TBC1D5: variants seen among roughly 807,000 people sequenced by gnomAD.
TBC1D5 encodes TBC1 domain family, member 5.
A neutral mutation model predicts 100.3 loss-of-function variants in TBC1D5; 75 were observed. The ratio of observed to expected loss-of-function variants is 0.75; its 90% CI spans 0.62 to 0.91. The LOEUF (loss-of-function observed/expected upper bound fraction) is 0.91. TBC1D5 is among the 40% of genes least tolerant of loss of function. TBC1D5 has a pLI of 0.00. For synonymous variants in TBC1D5, 323 were observed against 325.6 expected (o/e 0.99, Z 0.09); for missense variants, 910 against 942.4 (o/e 0.97, Z 0.45).
At chr3:17,412,013 G>A (rs1395824450) in intron 4 of TBC1D5, among the ~76,000 whole-genome samples, 1 of 152,146 alleles carries the variant, frequency 6.6e-6, no homozygotes, top group Non-Finnish European at 1.5e-5. Context: ...GTAACACAGA[G>A]TAAATATAAA....
At chr3:17,485,882 G>T (rs931097386) in intron 3 of TBC1D5, among the ~76,000 whole-genome samples, 4 of 152,086 alleles carry the variant, frequency 2.6e-5, no homozygotes, top group African/African-American at 4.8e-5. Flanking sequence ...GGGTCAAATG[G>T]TATTTCTAGT....
intron 17 of TBC1D5, among the ~76,000 whole-genome samples, chr3:17,218,337 G>A (rs2073894851): frequency 6.6e-6 from 1 of 151,980 alleles, no homozygotes; most frequent in African/African-American, 2.4e-5. Context: ...TGAATTTTAG[G>A]ATCACTTTGC....
intron 17 of TBC1D5, among the ~76,000 whole-genome samples, chr3:17,234,194 T>C (rs929850771): frequency 6.6e-6 from 1 of 152,096 alleles, no homozygotes; most frequent in African/African-American, 2.4e-5. Context: ...ACTTCTTCAG[T>C]GATAAGATAA....
At chr3:17,728,978 A>AT (rs1365634904) in intron 1 of TBC1D5, among the ~76,000 whole-genome samples, 3 of 140,856 alleles carry the variant, frequency 2.1e-5, no homozygotes, top group Non-Finnish European at 4.6e-5. Context: ...ATAGGCATAG[A>AT]GTTAAAGATA....
At chr3:17,705,042 G>T (rs113123728) in intron 1 of TBC1D5, among the ~76,000 whole-genome samples, 1 of 136,408 alleles carries the variant, frequency 7.3e-6, no homozygotes, top group African/African-American at 2.7e-5. Context: ...CGGCTGGCCA[G>T]GCGGGGGGCT....
At chr3:17,467,382 T>C (rs983661233) in intron 3 of TBC1D5, among the ~76,000 whole-genome samples, 1 of 151,770 alleles carries the variant, frequency 6.6e-6, no homozygotes. Flanking sequence ...TTGTTACATA[T>C]GTTTCTTACC....
chr3:17,669,635 G>A (rs7651998), intron 1 of TBC1D5, among the ~76,000 whole-genome samples: 75,901 of 151,982 alleles, frequency 0.5, 20,524 homozygotes, highest in East Asian at 0.94. Context: ...TTATAGGGCT[G>A]TCATATTAAA....
At chr3:17,616,790 C>T (rs1341934183) in intron 2 of TBC1D5, among the ~76,000 whole-genome samples, 1 of 152,060 alleles carries the variant, frequency 6.6e-6, no homozygotes, top group East Asian at 1.9e-4. Context: ...GTCTCTGCAC[C>T]TGAGATGGGT....
At chr3:17,660,440 T>A (rs1164425115) in intron 1 of TBC1D5, among the ~76,000 whole-genome samples, 1 of 152,202 alleles carries the variant, frequency 6.6e-6, no homozygotes, top group Non-Finnish European at 1.5e-5. Flanking sequence ...TTCCTGCAAG[T>A]AAGTGCTTCA....
At chr3:17,612,417 C>G (rs996355511) in intron 2 of TBC1D5, among the ~76,000 whole-genome samples, 6 of 151,894 alleles carry the variant, frequency 4.0e-5, no homozygotes, top group African/African-American at 1.2e-4. Context: ...CACCGGAGGT[C>G]AGGAGTTCGA....
At chr3:17,349,499 T>C (rs62245916) in intron 13 of TBC1D5, among the ~76,000 whole-genome samples, 4,259 of 152,358 alleles carry the variant, frequency 0.028, 88 homozygotes, top group Middle Eastern at 0.085. Context: ...TCATTTCCCA[T>C]GCATTTTAAA....
At chr3:17,486,442 G>C (rs1289390396) in intron 3 of TBC1D5, among the ~76,000 whole-genome samples, 1 of 152,084 alleles carries the variant, frequency 6.6e-6, no homozygotes, top group Non-Finnish European at 1.5e-5. Context: ...GTAATGCCTA[G>C]GTTTTCTTCT....
At chr3:17,709,327 A>T (rs2074485458) in intron 1 of TBC1D5, among the ~76,000 whole-genome samples, 1 of 152,198 alleles carries the variant, frequency 6.6e-6, no homozygotes, top group South Asian at 2.1e-4. Flanking sequence ...TCTATCTATA[A>T]AACAATTTAT....
rs373984608 is a variant in TBC1D5 at position 17,266,885 on chromosome 3, G to A, written c.1246-8294C>T. Among the ~76,000 whole-genome samples, 21 of 151,630 alleles carry A rather than the reference G, an allele frequency of 1.4e-4. No homozygotes were observed. The East Asian group carries it at 2.9e-3, about 21-fold the overall frequency. On this transcript the variant is annotated intron_variant, in intron 15 of 21. Coordinates refer to ENST00000253692, the Ensembl canonical transcript of TBC1D5. ...GGTAATTCTCATTTATGCATCTATA[G>A]AGTAAACCAAAAAAAGAAAATTTAG...
chr3:17,707,916 A>G (rs1474243339), intron 1 of TBC1D5, among the ~76,000 whole-genome samples: 2 of 152,214 alleles, frequency 1.3e-5, no homozygotes, highest in Non-Finnish European at 2.9e-5. Context: ...AAAAAAGGTA[A>G]TATTACAAAC....
At chr3:17,510,890 A>T (rs899303354) in intron 2 of TBC1D5, among the ~76,000 whole-genome samples, 1 of 152,006 alleles carries the variant, frequency 6.6e-6, no homozygotes, top group Non-Finnish European at 1.5e-5. Context: ...GTAGAGAGAG[A>T]GTAATTAATT....
intron 13 of TBC1D5, chr3:17,337,627 C>A (rs991954452): frequency 1.3e-5 from 2 of 152,078 alleles, no homozygotes; most frequent in South Asian, 4.1e-4. Flanking sequence ...AGCTTGTAAT[C>A]AAAAGCATCC....
chr3:17,704,238 G>A (rs1339111500), intron 1 of TBC1D5, among the ~76,000 whole-genome samples: 1 of 137,408 alleles, frequency 7.3e-6, no homozygotes, highest in Non-Finnish European at 1.6e-5. Flanking sequence ...AGGGTTGGGG[G>A]TAAGGTCACA....
intron 1 of TBC1D5, among the ~76,000 whole-genome samples, chr3:17,656,111 C>G (rs1040528994): frequency 3.9e-5 from 6 of 152,182 alleles, no homozygotes; most frequent in Admixed American, 2.6e-4. Flanking sequence ...TTTCTCAACT[C>G]CTATAGACCA....
Sources: gnomAD v4.1 joint callset for allele counts (sites outside exome capture counted in the v4.1 genomes callset) on GRCh38, gnomAD v4.1.1 for gene constraint, MANE v1.5 for transcripts, NCBI Gene and HGNC (gene_info 2026-07-23, HGNC 2026-07-21) for gene names.